The following EML6 variants were observed in gnomAD, a reference collection of about 807,000 sequenced individuals.
EML6 encodes the protein echinoderm microtubule-associated protein-like 6.
Under a neutral mutation model 240.1 loss-of-function variants are expected in EML6, and 154 were observed. The ratio of observed to expected loss-of-function variants is 0.64; its 90% CI spans 0.56 to 0.73. The LOEUF is 0.73. EML6 is among the 30% of genes least tolerant of loss of function. The pLI, the probability that EML6 is intolerant of heterozygous loss-of-function variation, is 0.00. For synonymous variants in EML6, 1,148 were observed against 899.0 expected (o/e 1.28, Z -4.95); for missense variants, 2,964 against 2,474.6 (o/e 1.20, Z -4.20).
intron 2 of EML6, among the ~76,000 whole-genome samples, chr2:54,809,890 G>T (rs1388701326): frequency 6.6e-6 from 1 of 152,100 alleles, no homozygotes; most frequent in Admixed American, 6.6e-5. Context: ...GATGCCATTT[G>T]GCTGTGCCCT....
At chr2:54,812,835 C>T (rs377331261) in intron 2 of EML6, among the ~76,000 whole-genome samples, 5 of 151,910 alleles carry the variant, frequency 3.3e-5, no homozygotes, top group African/African-American at 9.7e-5. Flanking sequence ...AAGAAGAGAA[C>T]CTTCCCCTAG....
chr2:54,778,705 G>A (rs925585581), intron 2 of EML6, among the ~76,000 whole-genome samples: 1 of 151,780 alleles, frequency 6.6e-6, no homozygotes, highest in African/African-American at 2.4e-5. Flanking sequence ...TGGCTATCAC[G>A]GTGAAACCCC....
Position 54,910,011 on chromosome 2 carries a change from G to GA in EML6, c.3410-937dup, listed in dbSNP as rs1311777945. Among the ~76,000 whole-genome samples the GA allele has an allele frequency of 4.6e-5, 7 of 151,974 alleles. No individual in the cohort carries two copies. The East Asian group carries it at 7.7e-4, about 17-fold the overall frequency. On this transcript the variant is annotated intron_variant, in intron 24 of 41. Coordinates refer to ENST00000356458, the MANE Select transcript of EML6 (RefSeq NM_001039753.4). ...AACTACTAGATATACATAGTTATGG[G>GA]AAAAAACAAAAGGAGAAATATTATG...
At chr2:54,780,008 A>G (rs1296955796) in intron 2 of EML6, among the ~76,000 whole-genome samples, 1 of 152,134 alleles carries the variant, frequency 6.6e-6, no homozygotes, top group East Asian at 1.9e-4. Flanking sequence ...GTACAATAAT[A>G]CAGAGTTAGG....
chr2:54,863,575 A>C (rs995544445), intron 12 of EML6, among the ~76,000 whole-genome samples: 1 of 152,278 alleles, frequency 6.6e-6, no homozygotes, highest in East Asian at 1.9e-4. Flanking sequence ...AAGTTGGCCT[A>C]GTCTGTTAAT....
intron 24 of EML6, among the ~76,000 whole-genome samples, chr2:54,910,680 T>C (rs201346900): frequency 1.5e-5 from 1 of 66,548 alleles, no homozygotes; most frequent in Admixed American, 1.6e-4. Flanking sequence ...CAGTGCAGCA[T>C]ATCAATAAAA....
intron 2 of EML6, among the ~76,000 whole-genome samples, chr2:54,769,933 T>C (rs1189814763): frequency 1.3e-5 from 2 of 152,220 alleles, no homozygotes; most frequent in Non-Finnish European, 2.9e-5. Flanking sequence ...ATAAATTTTA[T>C]ATAGATCTTT....
At chr2:54,794,959 G>C (rs1311310843) in intron 2 of EML6, among the ~76,000 whole-genome samples, 1 of 152,082 alleles carries the variant, frequency 6.6e-6, no homozygotes. Context: ...TTAATTCACT[G>C]ACCACACTAG....
At chr2:54,758,254 C>A (rs771932757) in intron 2 of EML6, among the ~76,000 whole-genome samples, 2 of 152,090 alleles carry the variant, frequency 1.3e-5, no homozygotes, top group African/African-American at 4.8e-5. Flanking sequence ...TGCTAATTGT[C>A]TTGCTTGCTG....
At chr2:54,880,483 T>A (rs1671757330) in intron 17 of EML6, 1 of 152,098 alleles carries the variant, frequency 6.6e-6, no homozygotes, top group South Asian at 2.1e-4. Context: ...AGGAAAAAAG[T>A]TTTGTGGGGA....
chr2:54,742,562 T>TG (rs1262222889), intron 2 of EML6, among the ~76,000 whole-genome samples: 1 of 152,190 alleles, frequency 6.6e-6, no homozygotes, highest in Non-Finnish European at 1.5e-5. Flanking sequence ...TCCATTTGTG[T>TG]GTCTCTCCAC....
chr2:54,875,112 GCTTGTCCATCTGCC>G (rs1297191970), intron 16 of EML6, among the ~76,000 whole-genome samples: 1 of 152,162 alleles, frequency 6.6e-6, no homozygotes, highest in African/African-American at 2.4e-5. Context: ...CCTCCAGTAA[GCTTGTCCATCTGCC>G]CTTCCCACCC....
At chr2:54,882,954 T>C (rs1193444911) in intron 17 of EML6, 2 of 151,156 alleles carry the variant, frequency 1.3e-5, no homozygotes, top group Non-Finnish European at 2.9e-5. Context: ...ATTAGCTTCA[T>C]CGCTTGATCT....
chr2:54,969,908 G>T (rs568594249), intron 41 of EML6, among the ~76,000 whole-genome samples, 163 bp from the exon 42 acceptor site: 31 of 152,292 alleles, frequency 2.0e-4, no homozygotes, highest in Non-Finnish European at 3.4e-4. Context: ...AAAAGCAATA[G>T]ATCTTAATTT....
chr2:54,778,577 A>C (rs1297898022), intron 2 of EML6, among the ~76,000 whole-genome samples: 3 of 152,104 alleles, frequency 2.0e-5, no homozygotes, highest in African/African-American at 7.2e-5. Context: ...GAAGAGAAAA[A>C]ACTAAAATAT....
chr2:54,928,892 C>G, intron 28 of EML6, 141 bp downstream of exon 28: 1 of 996,246 alleles, frequency 1.0e-6, no homozygotes, highest in Non-Finnish European at 1.5e-6. Flanking sequence ...CACCTGTACA[C>G]AGGCTTAAGC....
At chr2:54,822,023 G>T (rs1157092815) in intron 5 of EML6, among the ~76,000 whole-genome samples, 1 of 152,004 alleles carries the variant, frequency 6.6e-6, no homozygotes, top group Non-Finnish European at 1.5e-5. Context: ...CCGCAAACTA[G>T]CAAAAGTATA....
At position 54,970,110 on chromosome 2, in the gene EML6, C is replaced by G. The variant is rs368698873; in HGVS notation, c.*15C>G. The G allele has an allele frequency of 6.4e-7, 1 of 1,551,508 alleles. No individual in the cohort carries two copies. The highest frequency in any genetic ancestry group is 8.7e-7 in the Non-Finnish European group (1 of 1,146,924). On this transcript the variant is annotated 3_prime_UTR_variant, in exon 42 of 42. Coordinates refer to ENST00000356458, the MANE Select transcript of EML6 (RefSeq NM_001039753.4). ...GATGTCTGTAAAATGCCAGAAGCCT[C>G]TTATGTTATTGCTGCTGCTGCTACC...
At chr2:54,962,930 C>G (rs914914436) in intron 36 of EML6, among the ~76,000 whole-genome samples, 3 of 152,158 alleles carry the variant, frequency 2.0e-5, no homozygotes, top group Non-Finnish European at 4.4e-5. Flanking sequence ...AAAGAACCCA[C>G]AAAACTAAAA....
Sources: gnomAD v4.1 joint callset for allele counts (sites outside exome capture counted in the v4.1 genomes callset) on GRCh38, gnomAD v4.1.1 for gene constraint, MANE v1.5 for transcripts, NCBI Gene and HGNC (gene_info 2026-07-23, HGNC 2026-07-21) for gene names.